SYNE1: variants seen among roughly 807,000 people sequenced by gnomAD.
SYNE1 encodes nesprin-1.
A neutral mutation model predicts 1,111.0 loss-of-function variants in SYNE1; 616 were observed. That is an observed-to-expected ratio of 0.55 (90% CI 0.52 to 0.59). The LOEUF (loss-of-function observed/expected upper bound fraction) is 0.59, where lower values mean the gene tolerates loss of function less well. Ranked by LOEUF, SYNE1 falls within the 20% of genes least tolerant of loss-of-function variation. SYNE1 has a pLI of 0.00. For missense variants in SYNE1, 10,006 were observed against 10,417.0 expected, an observed-to-expected ratio of 0.96 and a Z score of 1.72; for synonymous variants, 3,855 against 3,825.8, an observed-to-expected ratio of 1.01 and a Z score of -0.28.
At chr6:152,280,364 G>A (rs1021638973) in intron 97 of SYNE1, among the ~76,000 whole-genome samples, 5 of 152,100 alleles carry the variant, frequency 3.3e-5, no homozygotes, top group Admixed American at 6.5e-5. Flanking sequence ...ACCATGGGCC[G>A]CATGTGGCCC....
At chr6:152,440,297 T>A (rs537017788) in intron 32 of SYNE1, among the ~76,000 whole-genome samples, 19 of 152,224 alleles carry the variant, frequency 1.2e-4, no homozygotes, top group Non-Finnish European at 2.6e-4. Context: ...CCAGCTCTGA[T>A]CGTGTGGCTT....
At chr6:152,207,451 C>T (rs907358830) in intron 125 of SYNE1, among the ~76,000 whole-genome samples, 4 of 151,956 alleles carry the variant, frequency 2.6e-5, no homozygotes, top group Non-Finnish European at 2.9e-5. Flanking sequence ...GGAGGAGAAA[C>T]GAACGAAAGA....
At chr6:152,549,041 A>T (rs1427747413) in intron 3 of SYNE1, among the ~76,000 whole-genome samples, 3 of 152,196 alleles carry the variant, frequency 2.0e-5, no homozygotes, top group Non-Finnish European at 4.4e-5. Context: ...GTTACCTAGA[A>T]CTAACCACCA....
intron 126 of SYNE1, among the ~76,000 whole-genome samples, chr6:152,203,976 C>G (rs1246114530): frequency 6.6e-6 from 1 of 152,132 alleles, no homozygotes; most frequent in Admixed American, 6.5e-5. Flanking sequence ...CAAAAAGTTT[C>G]TCTTTCTGCT....
intron 39 of SYNE1, among the ~76,000 whole-genome samples, chr6:152,420,957 T>G (rs2098249758): frequency 6.6e-6 from 1 of 152,232 alleles, no homozygotes; most frequent in African/African-American, 2.4e-5. Flanking sequence ...AATATAGTTA[T>G]TTGTATAAGT....
intron 3 of SYNE1, among the ~76,000 whole-genome samples, chr6:152,605,066 G>GGAAGGA (rs2099610690): frequency 1.9e-5 from 1 of 53,680 alleles, no homozygotes; most frequent in African/African-American, 8.7e-5. Context: ...GGGAGGGAGG[G>GGAAGGA]AGGGAGGAAA....
intron 52 of SYNE1, 107 bp from the exon 53 acceptor site, chr6:152,390,559 C>A: frequency 8.5e-7 from 1 of 1,177,242 alleles, no homozygotes; most frequent in Non-Finnish European, 1.2e-6. Flanking sequence ...CTTTACTTAC[C>A]TTAAAATGAA....
chr6:152,242,081 G>C (rs1002163290), intron 107 of SYNE1, among the ~76,000 whole-genome samples, 159 bp downstream of exon 107: 1 of 151,968 alleles, frequency 6.6e-6, no homozygotes, highest in African/African-American at 2.4e-5. Flanking sequence ...AAAGCCAGTG[G>C]GTTTGAATAT....
intron 3 of SYNE1, among the ~76,000 whole-genome samples, chr6:152,605,076 AGAAGGAAGGAAGGAAGGAAGGAAG>A (rs376634946): frequency 6.2e-5 from 2 of 32,360 alleles, no homozygotes; most frequent in African/African-American, 1.7e-4. Flanking sequence ...GAGGGAGGAA[AGAAGGAAGGAAGGAAGGAAGGAAG>A]GAAGGAAGGA....
chr6:152,215,844 C>T (rs149072050), intron 121 of SYNE1, among the ~76,000 whole-genome samples: 4 of 152,322 alleles, frequency 2.6e-5, no homozygotes, highest in Admixed American at 2.0e-4. Context: ...AGAGGGTAAA[C>T]GAACCTCCTT....
At chr6:152,619,576 A>T (rs182603346) in intron 3 of SYNE1, among the ~76,000 whole-genome samples, 1 of 152,172 alleles carries the variant, frequency 6.6e-6, no homozygotes, top group East Asian at 1.9e-4. Flanking sequence ...GAAAATAGAC[A>T]TTTCTGACTC....
At chr6:152,247,222 G>A (rs1218763777) in intron 105 of SYNE1, among the ~76,000 whole-genome samples, 5 of 152,118 alleles carry the variant, frequency 3.3e-5, no homozygotes, top group African/African-American at 1.2e-4. Flanking sequence ...TATTGAGTGA[G>A]GTGTGTCTTC....
In SYNE1 at chr6:152,426,451, C is replaced by T. The variant is rs145463000; in HGVS notation, c.5101-904G>A. Among the ~76,000 whole-genome samples the T allele has an allele frequency of 5.0e-3, 767 of 152,354 alleles. 3 individuals carry two copies. The highest frequency in any genetic ancestry group is 8.7e-3 in the Non-Finnish European group (594 of 68,044). ...GGAGGTAGGAATGCACAAGTCAGGT[C>T]CAGCCCACGAGGCGAGGCTGCCTTA... On this transcript the variant is annotated intron_variant, in intron 38 of 145. Transcript: ENST00000367255.
At chr6:152,533,916 T>C (rs1337652567) in intron 4 of SYNE1, among the ~76,000 whole-genome samples, 1 of 152,148 alleles carries the variant, frequency 6.6e-6, no homozygotes, top group Non-Finnish European at 1.5e-5. Flanking sequence ...CCCAGCATTT[T>C]GGGAGGCTGA....
chr6:152,495,044 C>T (rs1028599329), intron 11 of SYNE1, among the ~76,000 whole-genome samples: 2 of 152,138 alleles, frequency 1.3e-5, no homozygotes, highest in African/African-American at 4.8e-5. Context: ...TCCATTCTAT[C>T]GTTTTTCATA....
chr6:152,139,520 G>C (rs1464904523), intron 140 of SYNE1, among the ~76,000 whole-genome samples: 2 of 145,734 alleles, frequency 1.4e-5, no homozygotes, highest in South Asian at 2.3e-4. Context: ...GCACTGAGCT[G>C]AGATCATGCC....
At chr6:152,488,297 T>C in intron 12 of SYNE1, 99 bp downstream of exon 12, 1 of 660,960 alleles carries the variant, frequency 1.5e-6, no homozygotes, top group East Asian at 2.7e-5. Flanking sequence ...ACTTTTCTCA[T>C]TAATGTAATT....
Position 152,231,402 on chromosome 6 carries a change from C to T in SYNE1, c.21028G>A (p.Val7010Ile). 6.2e-7 allele frequency: 1 copy of T among 1,614,120 alleles called. No individual in the cohort carries two copies. Among genetic ancestry groups the T allele is most frequent in the Non-Finnish European group, 8.5e-7 (1 of 1,180,004 alleles). Residue 7010 changes from valine (V) to isoleucine (I), a missense_variant, in exon 114 of 146, where the codon GTA becomes ATA. Coordinates refer to ENST00000367255, the MANE Select transcript of SYNE1 (RefSeq NM_182961.4). ...NKSWQILQGL[V>I]TEKIQLLEGL... Reference sequence around the variant, plus strand: ...AGCCACTGGCTTACCTTCTCAGTTACTAGACCTTGCAGAATTTGCCAACTT... The same window carrying T: ...AGCCACTGGCTTACCTTCTCAGTTATTAGACCTTGCAGAATTTGCCAACTT...
At chr6:152,257,522 C>A (rs1017034019) in intron 101 of SYNE1, among the ~76,000 whole-genome samples, 10 of 152,058 alleles carry the variant, frequency 6.6e-5, no homozygotes, top group African/African-American at 2.2e-4. Context: ...AAGAGCAAGA[C>A]CCTGTTTCAA....
Sources: gnomAD v4.1 joint callset for allele counts (sites outside exome capture counted in the v4.1 genomes callset) on GRCh38, gnomAD v4.1.1 for gene constraint, MANE v1.5 for transcripts, NCBI Gene and HGNC (gene_info 2026-07-23, HGNC 2026-07-21) for gene names.